INO80: variants seen among roughly 807,000 people sequenced by gnomAD.
The protein encoded by INO80 is chromatin-remodeling ATPase INO80.
A neutral mutation model predicts 203.4 loss-of-function variants in INO80; 20 were observed. The ratio of observed to expected loss-of-function variants is 0.10; its 90% confidence interval spans 0.07 to 0.14. The LOEUF (loss-of-function observed/expected upper bound fraction) is 0.14, where lower values mean the gene tolerates loss of function less well. Ranked by LOEUF, INO80 falls within the 10% of genes least tolerant of loss-of-function variation. INO80 has a pLI of 1.00. For synonymous variants in INO80, 726 were observed against 685.2 expected, an observed-to-expected ratio of 1.06 and a Z score of -0.93; for missense variants, 1,419 against 1,914.4, an observed-to-expected ratio of 0.74 and a Z score of 4.83.
At chr15:41,078,313 T>C (rs981379128) in intron 9 of INO80, among the ~76,000 whole-genome samples, 8 of 152,104 alleles carry the variant, frequency 5.3e-5, no homozygotes, top group Admixed American at 4.6e-4. Context: ...CAAAGAAAAA[T>C]GCATAAGTCA....
rs891883577 is a variant in INO80 at position 41,056,712 on chromosome 15, T to G, written c.1986-6A>C. The G allele has an allele frequency of 1.2e-6, 2 of 1,611,780 alleles. No individual in the cohort carries two copies. Among genetic ancestry groups the G allele is most frequent in the Non-Finnish European group, 1.7e-6 (2 of 1,178,036 alleles). ...AGAGGATCTTCCAACGAACACTGTT[T>G]GATAAAATAAGTTACAAATTCATGT... On this transcript the variant is annotated splice_region_variant and splice_polypyrimidine_tract_variant and intron_variant, in intron 16 of 35. Transcript: ENST00000648947.
At position 40,992,100 on chromosome 15, in the gene INO80, C is replaced by T. The variant is rs1047626274; in HGVS notation, c.3571-4126G>A. On this transcript the variant is annotated intron_variant, in intron 29 of 35. Transcript: ENST00000648947. ...TGAAACAGGAAAATTTCTAGAAGAA[C>T]AAGTGGGAAAAGTTGGACCAACACT... Among the ~76,000 whole-genome samples the T allele has an allele frequency of 1.3e-4, 20 of 152,200 alleles. 1 individual carries two copies. Among genetic ancestry groups the T allele is most frequent in the Admixed American group, 4.6e-4 (7 of 15,282 alleles).
At chr15:41,094,112 T>C (rs554656995) in intron 4 of INO80, among the ~76,000 whole-genome samples, 141 of 152,336 alleles carry the variant, frequency 9.3e-4, no homozygotes, top group Non-Finnish European at 1.7e-3. Context: ...AAAGAAATAC[T>C]ATCCTTAATT....
intron 1 of INO80, among the ~76,000 whole-genome samples, chr15:41,113,760 T>C (rs1325717536): frequency 6.6e-6 from 1 of 152,226 alleles, no homozygotes; most frequent in African/African-American, 2.4e-5. Flanking sequence ...CCCAGCAGAA[T>C]AGCTCTCGAT....
At chr15:41,089,861 A>C (rs2045609886) in intron 5 of INO80, among the ~76,000 whole-genome samples, 1 of 152,214 alleles carries the variant, frequency 6.6e-6, no homozygotes, top group Admixed American at 6.5e-5. Context: ...TAAGAGAGAA[A>C]CACTACACCC....
chr15:41,034,064 AAAAC>A (rs1566920744), intron 24 of INO80, among the ~76,000 whole-genome samples: 2 of 152,184 alleles, frequency 1.3e-5, no homozygotes, highest in African/African-American at 2.4e-5. Context: ...TCTGTCTCAA[AAAAC>A]AAACAAAAAA....
At chr15:41,104,206 CAAAAAAAAAAAAA>C (rs35510472) in intron 1 of INO80, among the ~76,000 whole-genome samples, 8 of 41,524 alleles carry the variant, frequency 1.9e-4, no homozygotes, top group East Asian at 1.9e-3. Flanking sequence ...AACTCCATCT[CAAAAAAAAAAAAA>C]AAAAAAAAAA....
chr15:41,064,083 A>T (rs1295688417), intron 14 of INO80, among the ~76,000 whole-genome samples: 1 of 152,190 alleles, frequency 6.6e-6, no homozygotes, highest in Admixed American at 6.5e-5. Context: ...TCAGTCAGTG[A>T]CAGAATAGGC....
chr15:40,991,485 T>C (rs982695764), intron 29 of INO80, among the ~76,000 whole-genome samples: 1 of 152,034 alleles, frequency 6.6e-6, no homozygotes. Flanking sequence ...TATTTGGCAG[T>C]TGGGTTTATG....
chr15:40,996,688 A>G (rs1185164634), intron 29 of INO80, among the ~76,000 whole-genome samples: 1 of 152,242 alleles, frequency 6.6e-6, no homozygotes, highest in African/African-American at 2.4e-5. Flanking sequence ...TGGGTAGGAA[A>G]GAGTGGATAA....
At chr15:41,032,897 G>C (rs940686986) in intron 24 of INO80, among the ~76,000 whole-genome samples, 4 of 152,082 alleles carry the variant, frequency 2.6e-5, no homozygotes, top group Non-Finnish European at 5.9e-5. Flanking sequence ...AATTAGCCAG[G>C]GGTGGTGGCA....
intron 1 of INO80, among the ~76,000 whole-genome samples, chr15:41,098,269 A>G (rs2045755137): frequency 6.6e-6 from 1 of 152,224 alleles, no homozygotes; most frequent in Admixed American, 6.5e-5. Context: ...AACCAGGAGA[A>G]AATCTTCATG....
intron 26 of INO80, chr15:41,017,776 G>A (rs1227170158): frequency 6.6e-6 from 1 of 152,318 alleles, no homozygotes; most frequent in Non-Finnish European, 1.5e-5. Context: ...CCCTGAAGCT[G>A]TGGCACACAC....
intron 14 of INO80, among the ~76,000 whole-genome samples, chr15:41,069,248 C>A (rs542112427): frequency 2.0e-5 from 3 of 152,102 alleles, no homozygotes; most frequent in Admixed American, 6.6e-5. Flanking sequence ...CCCTCACCCC[C>A]CTGGCCCTGC....
intron 31 of INO80, 31 bp downstream of exon 31, chr15:40,987,060 A>G (rs771019175): frequency 2.1e-5 from 26 of 1,237,012 alleles, no homozygotes; most frequent in Non-Finnish European, 3.0e-5. Flanking sequence ...CAGATACGTG[A>G]GGGGAGTGTA....
intron 17 of INO80, among the ~76,000 whole-genome samples, chr15:41,055,698 T>C (rs2044970345): frequency 6.6e-6 from 1 of 152,240 alleles, no homozygotes; most frequent in South Asian, 2.1e-4. Flanking sequence ...CAACCTAAGG[T>C]ATGATAACTT....
chr15:41,096,109 G>C (rs2045719465), intron 2 of INO80, 59 bp downstream of exon 2: 1 of 1,514,060 alleles, frequency 6.6e-7, no homozygotes, highest in Non-Finnish European at 8.9e-7. Flanking sequence ...TGTAAAATCT[G>C]TAAGGATGAT....
Position 41,065,845 on chromosome 15 carries a change from C to T in INO80, c.1782+3725G>A, listed in dbSNP as rs8035100. Among the ~76,000 whole-genome samples, 1,264 of 152,204 alleles carry T rather than the reference C, an allele frequency of 8.3e-3. 16 individuals are homozygous for T. Among genetic ancestry groups the T allele is most frequent in the African/African-American group, 0.029 (1,223 of 41,504 alleles). On this transcript the variant is annotated intron_variant, in intron 14 of 35. Coordinates refer to ENST00000648947, the MANE Select transcript of INO80 (RefSeq NM_017553.3). Reference sequence around the variant, plus strand: ...GCCACAGCAGTCAAATTTGTGGTTGCCAGAGGCTACAGCACAAGGTGAATA... The same window carrying T: ...GCCACAGCAGTCAAATTTGTGGTTGTCAGAGGCTACAGCACAAGGTGAATA...
intron 4 of INO80, among the ~76,000 whole-genome samples, chr15:41,093,369 G>A (rs941449734): frequency 6.6e-6 from 1 of 151,816 alleles, no homozygotes; most frequent in East Asian, 1.9e-4. Context: ...AGGTTGCAGT[G>A]AGCTGAGATC....
Sources: allele counts gnomAD v4.1 joint callset (sites outside exome capture counted in the v4.1 genomes callset), GRCh38; gene constraint gnomAD v4.1.1; transcripts MANE v1.5; gene names NCBI Gene and HGNC (gene_info 2026-07-23, HGNC 2026-07-21).